Variants in RNH1 observed in about 807,000 individuals in gnomAD.
RNH1 encodes the protein ribonuclease/angiogenin inhibitor 1.
In RNH1, 38 loss-of-function variants were observed where a neutral mutation model predicts 46.1. The observed-to-expected ratio is 0.82, with a 90% confidence interval of 0.64 to 1.08. The LOEUF is 1.08. Ranked by LOEUF, RNH1 falls within the 50% of genes least tolerant of loss-of-function variation. The pLI, the probability that RNH1 is intolerant of heterozygous loss-of-function variation, is 0.00. For synonymous variants in RNH1, 319 were observed against 279.1 expected, an observed-to-expected ratio of 1.14 and a Z score of -1.43; for missense variants, 577 against 590.7, an observed-to-expected ratio of 0.98 and a Z score of 0.24.
In RNH1 at chr11:501,109, A is replaced by G. The variant is rs1311271227; in HGVS notation, c.102-455T>C. ...GCCACTCCAGCCTGGGTGACAGAGC[A>G]ATGCCCTGTCTCTAAAAATAAAAAG... On this transcript the variant is annotated intron_variant, in intron 3 of 10. Transcript: ENST00000354420. The surrounding 1 kb of genome is among the most constrained non-coding windows in gnomAD (Gnocchi z 4.1). 4 of 315,022 alleles carry G rather than the reference A, an allele frequency of 1.3e-5. No homozygotes were observed. The highest frequency in any genetic ancestry group is 2.2e-5 in the African/African-American group (1 of 46,162). 19.5% of individuals were successfully genotyped at this position (315,022 alleles called of 1,614,324 possible).
At chr11:504,544 C>T (rs1002412414) in intron 2 of RNH1, 8 of 152,264 alleles carry the variant, frequency 5.3e-5, no homozygotes, top group African/African-American at 1.9e-4. Flanking sequence ...GGGCCGCGCC[C>T]GCTAGTCGTC....
chr11:498,287 G>T, intron 8 of RNH1, 146 bp from the exon 9 acceptor site: 1 of 1,249,996 alleles, frequency 8.0e-7, no homozygotes. Flanking sequence ...CTGGTCCTTG[G>T]CCCCAAGCAC....
Position 499,556 on chromosome 11 carries a change from T to C in RNH1, c.443+273A>G, listed in dbSNP as rs530067040. ...AACCTGACTCACGGCCAGGCATCTG[T>C]TCCCACCGTCGGGTCCTGGGGCAGC... On this transcript the variant is annotated intron_variant, in intron 5 of 10. Coordinates refer to ENST00000354420, the MANE Select transcript of RNH1 (RefSeq NM_203387.3). 1.3e-4 allele frequency: 94 copies of C among 699,470 alleles called. 1 individual carries two copies. The South Asian group carries it at 1.3e-3, about 10-fold the overall frequency. 43.3% of individuals were successfully genotyped at this position (699,470 alleles called of 1,614,324 possible).
chr11:497,121 G>A (rs910855539), intron 9 of RNH1, among the ~76,000 whole-genome samples: 5 of 135,772 alleles, frequency 3.7e-5, no homozygotes, highest in East Asian at 4.5e-4. Flanking sequence ...GTGCTCACTC[G>A]CCCATGTGCT....
At chr11:500,231 G>A (rs1230902112) in intron 4 of RNH1, 5 of 665,086 alleles carry the variant, frequency 7.5e-6, no homozygotes, top group Non-Finnish European at 1.3e-5. Flanking sequence ...GGGGTCTGTG[G>A]TGATGCTGGA....
rs1268045697 is a variant in RNH1 at position 501,954 on chromosome 11, T to G, written c.101+108A>C. On this transcript the variant is annotated intron_variant, in intron 3 of 10. Coordinates refer to ENST00000354420, the MANE Select transcript of RNH1 (RefSeq NM_203387.3). The surrounding 1 kb of genome is among the most constrained non-coding windows in gnomAD (Gnocchi z 4.1). ...CGTGGTAGCTGCACAGAATTCATAC[T>G]TCATGTCCACAAACAAGGCGTTCCA... is the stretch of plus-strand genomic sequence containing the variant. 1 of 688,580 alleles carries G rather than the reference T, an allele frequency of 1.5e-6. No individual in the cohort carries two copies. The highest frequency in any genetic ancestry group is 2.6e-6 in the Non-Finnish European group (1 of 389,524). The allele number at this position is 688,580 out of a possible 1,614,324, so 42.7% of individuals were successfully genotyped here.
chr11:498,306 T>A, intron 8 of RNH1, 151 bp downstream of exon 8: 1 of 1,261,078 alleles, frequency 7.9e-7, no homozygotes, highest in Non-Finnish European at 1.1e-6. Context: ...ACTGTTCCCA[T>A]CAAACCACAG....
intron 9 of RNH1, among the ~76,000 whole-genome samples, chr11:497,066 T>A (rs1849147783): frequency 2.8e-5 from 4 of 144,990 alleles, no homozygotes; most frequent in Non-Finnish European, 6.1e-5. Flanking sequence ...GTGCTCACAC[T>A]CACATGGACA....
At position 499,869 on chromosome 11, in the gene RNH1, C is replaced by T. The variant is rs755152899; in HGVS notation, c.403G>A (p.Glu135Lys). ...LGDAGLQLLC[E>K]GLLDPQCRLE... ...CGGCACTGGGGGTCCAGGAGTCCTT[C>T]GCAGAGCAGCTGCAGGCCCGCATCC... The change falls in exon 5 of 11, where the codon GAA becomes AAA. Residue 135 changes from glutamate to lysine, a missense_variant. Transcript: ENST00000354420. 39 of 1,612,500 alleles carry T rather than the reference C, an allele frequency of 2.4e-5. No homozygotes were observed. The highest frequency in any genetic ancestry group is 1.2e-4 in the South Asian group (11 of 90,974).
At chr11:499,798 G>C in intron 5 of RNH1, 31 bp downstream of exon 5, 1 of 1,589,770 alleles carries the variant, frequency 6.3e-7, no homozygotes, top group Non-Finnish European at 8.6e-7. Flanking sequence ...GCAGCGGCCA[G>C]CATGGGCCCT....
At chr11:507,059 G>C (rs1467185215) in intron 1 of RNH1, 54 bp downstream of exon 1, 1 of 152,234 alleles carries the variant, frequency 6.6e-6, no homozygotes, top group African/African-American at 2.4e-5. Flanking sequence ...GCCCGACCAA[G>C]GCCGGCGTGG....
chr11:497,174 C>T (rs564114507), intron 9 of RNH1, among the ~76,000 whole-genome samples: 10 of 151,100 alleles, frequency 6.6e-5, no homozygotes, highest in African/African-American at 2.4e-4. Flanking sequence ...CCCATGTGCT[C>T]ACACACGGAC....
In RNH1 at chr11:499,136, C is replaced by T. The variant is rs150077141; in HGVS notation, c.493G>A (p.Val165Met). 41 of 1,613,086 alleles carry T rather than the reference C, an allele frequency of 2.5e-5. No homozygotes were observed. Among genetic ancestry groups the T allele is most frequent in the South Asian group, 2.0e-4 (18 of 91,090 alleles). ...TTGAAGTCCGGCTTGGCCCTGAGCA[C>T]GGAGGCCAGGGGCTCGCAGCTGGCA... ...SAASCEPLAS[V>M]LRAKPDFKEL... The change falls in exon 6 of 11, where the codon GTG becomes ATG. Residue 165 changes from valine (V) to methionine (M), a missense_variant. Physicochemically the swap from Val to Met is conservative, Grantham distance 21 (BLOSUM62 1). Transcript: ENST00000354420.
chr11:506,415 A>G (rs1850273446), intron 1 of RNH1: 1 of 152,050 alleles, frequency 6.6e-6, no homozygotes, highest in South Asian at 2.1e-4. Flanking sequence ...CCCCTTCGTC[A>G]TTTCCGCCAA....
At chr11:495,430 G>A (rs968662649) in intron 9 of RNH1, among the ~76,000 whole-genome samples, 1 of 152,196 alleles carries the variant, frequency 6.6e-6, no homozygotes, top group East Asian at 1.9e-4. Flanking sequence ...GGGGAAACGA[G>A]GGTATGGAGG....
At chr11:500,429 C>G in intron 4 of RNH1, 55 bp downstream of exon 4, 1 of 1,564,258 alleles carries the variant, frequency 6.4e-7, no homozygotes, top group Non-Finnish European at 8.7e-7. Context: ...CCCCTGCTGC[C>G]GGGCTACCAA....
At chr11:497,935 C>T (rs1849327600) in intron 9 of RNH1, 36 bp downstream of exon 9, 2 of 1,595,322 alleles carry the variant, frequency 1.3e-6, no homozygotes, top group Admixed American at 1.7e-5. Context: ...CATATGATCT[C>T]CCAAATGTGC....
chr11:498,833 G>T lies in RNH1; in HGVS notation c.715C>A (p.Leu239Met). The change falls in exon 7 of 11, where the codon CTG (leucine) becomes ATG (methionine). Residue 239 changes from leucine (L) to methionine (M), a missense_variant. By Grantham distance (15) the Leu-to-Met change is conservative. Transcript: ENST00000354420. ...AGCTCCGCCATGCCCACATCACCCA[G>T]CTTGTTGCTGCCCAGGGCCAGCTCC... ...LRELALGSNKLGDVGMAELCP... is the reference protein window; with the variant it reads ...LRELALGSNKMGDVGMAELCP... The T allele has an allele frequency of 6.2e-7, 1 of 1,610,662 alleles. No individual in the cohort carries two copies. Among genetic ancestry groups the T allele is most frequent in the Non-Finnish European group, 8.5e-7 (1 of 1,179,640 alleles).
At chr11:503,194 T>G (rs1849916084) in intron 2 of RNH1, 2 of 152,008 alleles carry the variant, frequency 1.3e-5, no homozygotes, top group Non-Finnish European at 2.9e-5. Flanking sequence ...GGGAGAGGGC[T>G]CTCATCCAGA....
Sources: gnomAD v4.1 joint callset for allele counts (sites outside exome capture counted in the v4.1 genomes callset) on GRCh38, gnomAD v4.1.1 for gene constraint, Gnocchi (gnomAD v3.1) non-coding constraint, MANE v1.5 for transcripts, NCBI Gene and HGNC (gene_info 2026-07-23, HGNC 2026-07-21) for gene names.